Variants in HIP1R observed in about 807,000 individuals in gnomAD.
The protein encoded by HIP1R is huntingtin-interacting protein 1-related protein.
In HIP1R, 135 loss-of-function variants were observed where a neutral mutation model predicts 144.2. The ratio of observed to expected loss-of-function variants is 0.94; its 90% CI spans 0.81 to 1.08. HIP1R has a LOEUF of 1.08. Among genes scored for constraint, HIP1R ranks in the 50% least tolerant of loss-of-function variants. HIP1R has a pLI of 0.00. For synonymous variants in HIP1R, 698 were observed against 612.8 expected (o/e 1.14, Z -2.05); for missense variants, 1,462 against 1,432.8 (o/e 1.02, Z -0.33).
At chr12:122,848,712 C>G (rs2033286397) in intron 3 of HIP1R, 84 bp from the exon 4 acceptor site, 4 of 1,598,284 alleles carry the variant, frequency 2.5e-6, no homozygotes, top group Non-Finnish European at 3.4e-6. Flanking sequence ...GCTGTTCCTC[C>G]CGCCTCGGGT....
In HIP1R at chr12:122,859,684, G is replaced by C. The variant is rs1440981062; in HGVS notation, c.2407-88G>C. ...CGTTTTCCAGGGGCCTGTGAGGTCA[G>C]AGCTGAGAGGGCAGGAGGCAGCCCT... On this transcript the variant is annotated intron_variant, in intron 23 of 31. Transcript: ENST00000253083. The C allele has an allele frequency of 8.0e-6, 12 of 1,495,620 alleles. No individual in the cohort carries two copies. In the East Asian group the frequency reaches 2.7e-4, roughly 34 times the overall value. The allele number at this position is 1,495,620 out of a possible 1,614,324, so 92.6% of individuals were successfully genotyped here. A position where few individuals can be genotyped will look rare whatever the true frequency, so the allele number is the denominator to read the frequency against.
intron 24 of HIP1R, 56 bp from the exon 25 acceptor site, chr12:122,859,991 G>A (rs1415730986): frequency 3.3e-6 from 5 of 1,521,258 alleles, no homozygotes; most frequent in Non-Finnish European, 4.4e-6. Flanking sequence ...GCCCGCCATG[G>A]CGTCGTGTGG....
rs112802783 is a variant in HIP1R, at chr12:122,855,960, C to T, written c.1129-20C>T. On this transcript the variant is annotated intron_variant, in intron 13 of 31. Transcript: ENST00000253083. ...CCCTCACGGCCCAGGCAGGGCCCCA[C>T]GTCACACCTCCTCCCGCAGGCCCAG... The T allele has an allele frequency of 4.8e-5, 76 of 1,574,888 alleles. 2 individuals are homozygous for T. In the African/African-American group the frequency reaches 5.0e-4, roughly 10 times the overall value.
intron 5 of HIP1R, chr12:122,850,156 C>T (rs760133007): frequency 3.8e-5 from 26 of 686,890 alleles, no homozygotes; most frequent in Middle Eastern, 2.3e-4. Flanking sequence ...CAGGCATTTC[C>T]GTGGACGTGG....
rs1268209485 is a variant in HIP1R, at chr12:122,860,676, C to T, written c.2661-3C>T. ...CTGGCCCTGACTGGCCCTTGACCCGCAGGGAGGCAGCTGACAAGGTGGTGC... is the reference window on the plus strand; with the variant it reads ...CTGGCCCTGACTGGCCCTTGACCCGTAGGGAGGCAGCTGACAAGGTGGTGC... On this transcript the variant is annotated splice_region_variant and splice_polypyrimidine_tract_variant and intron_variant, in intron 27 of 31. Coordinates refer to ENST00000253083, the MANE Select transcript of HIP1R (RefSeq NM_003959.3). 4.3e-6 allele frequency: 7 copies of T among 1,612,802 alleles called. No individual in the cohort carries two copies. The Admixed American group carries it at 6.7e-5, about 15-fold the overall frequency.
At chr12:122,841,944 C>T (rs1407871656) in intron 1 of HIP1R, among the ~76,000 whole-genome samples, 1 of 152,162 alleles carries the variant, frequency 6.6e-6, no homozygotes, top group African/African-American at 2.4e-5. Context: ...CAGGACCAAG[C>T]AGGCCTGGGT....
chr12:122,852,689 C>T (rs1256737127), intron 7 of HIP1R, among the ~76,000 whole-genome samples: 2 of 152,192 alleles, frequency 1.3e-5, no homozygotes, highest in East Asian at 1.9e-4. Context: ...CATGCCTCAG[C>T]AGAGGCTGCG....
Position 122,860,462 on chromosome 12 carries a change from C to T in HIP1R, c.2599C>T (p.Arg867Cys), listed in dbSNP as rs201693330. Residue 867 changes from arginine to cysteine, a missense_variant, in exon 27 of 32, where the codon CGC (arginine) becomes TGC (cysteine). Physicochemically the swap from Arg to Cys is radical, Grantham distance 180 (BLOSUM62 -3). This residue lies in a region of HIP1R where 1,112 missense variants were observed against 1,011.7 expected (regional missense o/e 1.10). Transcript: ENST00000253083. ...TQQEFYAKNS[R>C]WTEGLISASK... is the part of the protein sequence containing the mutation. The stretch of plus-strand genomic sequence containing the variant: ...GCAGGAATTTTACGCCAAGAACTCG[C>T]GCTGGACCGAAGGCCTCATCTCGGC... 11 of 1,613,394 alleles carry T rather than the reference C, an allele frequency of 6.8e-6. 1 individual carries two copies. Among genetic ancestry groups the T allele is most frequent in the Middle Eastern group, 1.6e-4 (1 of 6,062 alleles).
Position 122,836,350 on chromosome 12 carries a change from C to T in HIP1R, c.93+707C>T. The stretch of plus-strand genomic sequence containing the variant: ...ACCGGCGCCCGACAGACAGAAACTT[C>T]CTGGGGCTCCCTTCCTGCGCCTCCC... On this transcript the variant is annotated intron_variant, in intron 1 of 31. Coordinates refer to ENST00000253083, the MANE Select transcript of HIP1R (RefSeq NM_003959.3). The surrounding 1 kb of genome is among the most constrained non-coding windows in gnomAD (Gnocchi z 4.1). 6.6e-6 allele frequency among the ~76,000 whole-genome samples: 1 copy of T among 152,136 alleles called. No homozygotes were observed. Among genetic ancestry groups the T allele is most frequent in the East Asian group, 1.9e-4 (1 of 5,184 alleles).
At chr12:122,851,319 C>CG in intron 7 of HIP1R, 22 bp downstream of exon 7, 1 of 1,521,850 alleles carries the variant, frequency 6.6e-7, no homozygotes. Context: ...AGAGGGGATG[C>CG]GGGGGTCTGA....
chr12:122,859,006 C>T, intron 21 of HIP1R, 55 bp from the exon 22 acceptor site: 1 of 1,581,688 alleles, frequency 6.3e-7, no homozygotes, highest in African/African-American at 1.5e-5. Flanking sequence ...CCCTGGGGGT[C>T]CTTATGGAGC....
intron 5 of HIP1R, chr12:122,850,241 TC>T: frequency 1.7e-6 from 1 of 581,158 alleles, no homozygotes; most frequent in East Asian, 3.9e-5. Context: ...GGCCGGGTGC[TC>T]CCCTCCTCCC....
rs768797927 is a variant in HIP1R, at chr12:122,861,010, A to C, written c.2861A>C (p.Lys954Thr). The change falls in exon 29 of 32, where the codon AAG becomes ACG. Residue 954 changes from lysine to threonine, a missense_variant. Lys to Thr is a moderately conservative substitution (Grantham distance 78). Coordinates refer to ENST00000253083, the MANE Select transcript of HIP1R (RefSeq NM_003959.3). ...ERAANVVAST[K>T]SGQEQIEDRD... ...GCTGCCAATGTGGTGGCCTCCACCA[A>C]GTCAGGCCAGGAGCAGATTGAGGAC... is the stretch of plus-strand genomic sequence containing the variant. The C allele has an allele frequency of 3.7e-6, 6 of 1,613,702 alleles. No individual in the cohort carries two copies. In the African/African-American group the frequency reaches 4.0e-5, roughly 11 times the overall value.
intron 7 of HIP1R, 115 bp from the exon 8 acceptor site, chr12:122,853,928 G>A: frequency 1.6e-6 from 2 of 1,231,906 alleles, no homozygotes; most frequent in Non-Finnish European, 2.2e-6. Context: ...TTGGAGGCAG[G>A]GGGCACACTG....
At chr12:122,853,866 G>C in intron 7 of HIP1R, 177 bp from the exon 8 acceptor site, 1 of 635,416 alleles carries the variant, frequency 1.6e-6, no homozygotes, top group Non-Finnish European at 2.6e-6. Context: ...CCTCCTTCAT[G>C]GGAGCATCTG....
At chr12:122,859,364 C>T in intron 22 of HIP1R, 62 bp from the exon 23 acceptor site, 5 of 1,526,220 alleles carry the variant, frequency 3.3e-6, no homozygotes, top group Non-Finnish European at 3.6e-6. Context: ...ACCTCTTTCC[C>T]AGGCTGCCCG....
chr12:122,842,933 C>T (rs1402774823), intron 1 of HIP1R, among the ~76,000 whole-genome samples: 2 of 152,222 alleles, frequency 1.3e-5, no homozygotes, highest in Admixed American at 6.5e-5. Flanking sequence ...ATCCTGAGGG[C>T]TTGGGCTCCC....
Position 122,861,453 on chromosome 12 carries a change from TAACCACCAAGA to T in HIP1R, c.3106_3116del (p.Lys1036ProfsTer16), listed in dbSNP as rs762863314. ...CGGCCCAGCACTGCCCCCCGAAGTG[TAACCACCAAGA>T]AACCACCCCTGGCCCAGAAGCCCAG... On this transcript the variant is annotated frameshift_variant, in exon 31 of 32. Transcript: ENST00000253083. LOFTEE classifies it high-confidence loss of function. 2.0e-5 allele frequency: 33 copies of T among 1,613,258 alleles called. No individual in the cohort carries two copies. Among genetic ancestry groups the T allele is most frequent in the Non-Finnish European group, 2.6e-5 (31 of 1,179,868 alleles).
chr12:122,835,391 G>A, upstream of HIP1R: 1 of 1,113,522 alleles, frequency 9.0e-7, no homozygotes, highest in Non-Finnish European at 1.1e-6. Flanking sequence ...GCGGGGGAGG[G>A]GCGTGCCCTG....
Sources: allele counts gnomAD v4.1 joint callset (sites outside exome capture counted in the v4.1 genomes callset), GRCh38; gene constraint gnomAD v4.1.1; regional missense constraint gnomAD v4.1.1; non-coding constraint Gnocchi (gnomAD v3.1); transcripts MANE v1.5; gene names NCBI Gene and HGNC (gene_info 2026-07-23, HGNC 2026-07-21).